The following PLEKHG3 variants were observed in gnomAD, a reference collection of about 807,000 sequenced individuals.
PLEKHG3 encodes pleckstrin homology domain-containing family G member 3.
Under a neutral mutation model 94.9 loss-of-function variants are expected in PLEKHG3, and 62 were observed. That is an observed-to-expected ratio of 0.65 (90% CI 0.53 to 0.81). PLEKHG3 has a LOEUF of 0.81. Ranked by LOEUF, PLEKHG3 falls within the 30% of genes least tolerant of loss-of-function variation. The pLI is 0.00. For missense variants in PLEKHG3, 1,461 were observed against 1,619.3 expected (o/e 0.90, Z 1.68); for synonymous variants, 614 against 654.0 (o/e 0.94, Z 0.93).
At position 64,716,481 on chromosome 14, in the gene PLEKHG3, A is replaced by AC. The variant is rs1566694009; in HGVS notation, c.-39-11112_-39-11111insC. On this transcript the variant is annotated intron_variant, in intron 1 of 16. Coordinates refer to ENST00000247226, the MANE Select transcript of PLEKHG3 (RefSeq NM_001308147.2). This position sits in a 1 kb window ranked among gnomAD's most constrained non-coding sequence, Gnocchi z 5.0. ...ACACACACACAACACACACACACAC[A>AC]ACACACACACACACAACACACACAC... is the stretch of plus-strand genomic sequence containing the variant. 1.6e-3 allele frequency among the ~76,000 whole-genome samples: 188 copies of AC among 116,296 alleles called. No homozygotes were observed. Among genetic ancestry groups the AC allele is most frequent in the Non-Finnish European group, 2.4e-3 (138 of 56,356 alleles). The allele number at this position is 116,296 out of a possible 152,430, so 76.3% of individuals were successfully genotyped here. A position where few individuals can be genotyped will look rare whatever the true frequency, so the allele number is the denominator to read the frequency against.
At chr14:64,740,331 TC>T (rs1407038688) in intron 15 of PLEKHG3, among the ~76,000 whole-genome samples, 1 of 152,244 alleles carries the variant, frequency 6.6e-6, no homozygotes, top group African/African-American at 2.4e-5. Flanking sequence ...GCCGCGTATG[TC>T]ATCAGTTCTG....
chr14:64,737,297 C>T (rs1427934270), intron 13 of PLEKHG3, 59 bp from the exon 14 acceptor site: 1 of 1,359,220 alleles, frequency 7.4e-7, no homozygotes, highest in African/African-American at 1.4e-5. Context: ...CTGATCTCTT[C>T]CCCTCCCCTC....
chr14:64,742,187 G>T lies in PLEKHG3; in HGVS notation c.2670G>T (p.Glu890Asp). Residue 890 changes from glutamate (E) to aspartate (D), a missense_variant, in exon 16 of 17, where the codon GAG (glutamate) becomes GAT (aspartate). Physicochemically the swap from Glu to Asp is conservative, Grantham distance 45 (BLOSUM62 2). This residue lies in a region of PLEKHG3 where 1,201 missense variants were observed against 1,295.5 expected (regional missense o/e 0.93). Coordinates refer to ENST00000247226, the MANE Select transcript of PLEKHG3 (RefSeq NM_001308147.2). Reference protein sequence around the residue: ...LARELKELVKELSSSTQGELV... With the variant: ...LARELKELVKDLSSSTQGELV... ...GGGAGCTGAAAGAGCTGGTGAAGGA[G>T]CTGAGCAGCAGTACCCAGGGGGAGC... 6.2e-7 allele frequency: 1 copy of T among 1,612,922 alleles called. No homozygotes were observed. Among genetic ancestry groups the T allele is most frequent in the Non-Finnish European group, 8.5e-7 (1 of 1,180,018 alleles).
Position 64,736,841 on chromosome 14 carries a change from T to C in PLEKHG3, c.1346-12T>C, listed in dbSNP as rs1016857077. 5.6e-6 allele frequency: 9 copies of C among 1,610,440 alleles called. No individual in the cohort carries two copies. The African/African-American group carries it at 1.1e-4, about 19-fold the overall frequency. On this transcript the variant is annotated splice_polypyrimidine_tract_variant and intron_variant, in intron 12 of 16. Coordinates refer to ENST00000247226, the MANE Select transcript of PLEKHG3 (RefSeq NM_001308147.2). ...TGGCCCGCGCTGACTCTGCTCATGC[T>C]TTCCTCCTCAGAGCCAACCAAACAC...
Position 64,732,860 on chromosome 14 carries a change from A to C in PLEKHG3, c.1304A>C (p.Asp435Ala). The C allele has an allele frequency of 6.2e-7, 1 of 1,611,150 alleles. No homozygotes were observed. The change falls in exon 12 of 17, where the codon GAT becomes GCT. Residue 435 changes from aspartate to alanine, a missense_variant. Physicochemically the swap from Asp to Ala is moderately radical, Grantham distance 126 (BLOSUM62 -2). This residue lies in a region of PLEKHG3 where 1,201 missense variants were observed against 1,295.5 expected (regional missense o/e 0.93). Coordinates refer to ENST00000247226, the MANE Select transcript of PLEKHG3 (RefSeq NM_001308147.2). The surrounding 1 kb of genome is among the most constrained non-coding windows in gnomAD (Gnocchi z 4.9). The part of the protein sequence containing the change: ...ERLKKAWSSQ[D>A]EVSTNVRQGR... ...CTGAAGAAGGCTTGGTCCTCCCAGGATGAGGTGTCCACCAATGTGCGCCAG... is the reference window on the plus strand; with the variant it reads ...CTGAAGAAGGCTTGGTCCTCCCAGGCTGAGGTGTCCACCAATGTGCGCCAG...
Position 64,742,957 on chromosome 14 carries a change from CAGGCAGCTTG to C in PLEKHG3, c.2939-24_2939-15del. 1 of 1,612,562 alleles carries C rather than the reference CAGGCAGCTTG, an allele frequency of 6.2e-7. No individual in the cohort carries two copies. The highest frequency in any genetic ancestry group is 8.5e-7 in the Non-Finnish European group (1 of 1,179,356). Reference sequence around the variant, plus strand: ...AGCTCTGCCCTCCCGCCCCATGCTTCAGGCAGCTTGCTCTCTCCTCATAGGTAAGAGGAAG... The same window carrying C: ...AGCTCTGCCCTCCCGCCCCATGCTTCCTCTCTCCTCATAGGTAAGAGGAAG... On this transcript the variant is annotated splice_polypyrimidine_tract_variant and intron_variant, in intron 16 of 16. Transcript: ENST00000247226.
At chr14:64,714,780 C>A (rs1021889655) in intron 1 of PLEKHG3, among the ~76,000 whole-genome samples, 1 of 152,212 alleles carries the variant, frequency 6.6e-6, no homozygotes, top group East Asian at 1.9e-4. Flanking sequence ...ACTGGGGATG[C>A]CTTTTTCTCC....
chr14:64,742,147 C>T lies in PLEKHG3; in HGVS notation c.2630C>T (p.Pro877Leu), dbSNP rs201083535. Residue 877 changes from proline (P) to leucine (L), a missense_variant, in exon 16 of 17, where the codon CCG becomes CTG. By Grantham distance (98) the Pro-to-Leu change is moderately conservative. This residue lies in a region of PLEKHG3 where 1,201 missense variants were observed against 1,295.5 expected (regional missense o/e 0.93). Transcript: ENST00000247226. ...ESSSPTEGRSPAHLARELKEL... is the reference protein window; with the variant it reads ...ESSSPTEGRSLAHLARELKEL... ...TCCTCTCCCACTGAGGGGCGCAGCC[C>T]GGCCCACCTGGCCCGGGAGCTGAAA... The T allele has an allele frequency of 6.0e-5, 97 of 1,611,634 alleles. No individual in the cohort carries two copies. The highest frequency in any genetic ancestry group is 5.5e-4 in the African/African-American group (41 of 74,936).
At chr14:64,714,743 C>T (rs933466931) in intron 1 of PLEKHG3, among the ~76,000 whole-genome samples, 9 of 152,200 alleles carry the variant, frequency 5.9e-5, no homozygotes, top group African/African-American at 2.2e-4. Context: ...TTGGCCTTCC[C>T]TTCCCAAACT....
intron 1 of PLEKHG3, among the ~76,000 whole-genome samples, chr14:64,706,036 C>T (rs1482805061): frequency 2.0e-5 from 3 of 152,170 alleles, no homozygotes; most frequent in Non-Finnish European, 4.4e-5. Context: ...GGAAGAGGTA[C>T]CCAGAGGCCA....
chr14:64,709,352 C>T (rs2081030394), intron 1 of PLEKHG3, among the ~76,000 whole-genome samples: 1 of 152,174 alleles, frequency 6.6e-6, no homozygotes, highest in Non-Finnish European at 1.5e-5. Context: ...TCTGGGAATG[C>T]AAGCACTAGG....
chr14:64,735,928 C>T (rs924550713), intron 12 of PLEKHG3, among the ~76,000 whole-genome samples: 3 of 152,242 alleles, frequency 2.0e-5, no homozygotes, highest in Non-Finnish European at 2.9e-5. Context: ...TTCTACTTTT[C>T]ACTTTAAAAA....
chr14:64,749,921 C>G lies in PLEKHG3; in HGVS notation c.*6218C>G, dbSNP rs550309355. The G allele has an allele frequency of 6.4e-5, 103 of 1,609,888 alleles. No homozygotes were observed. In the African/African-American group the frequency reaches 1.1e-3, roughly 17 times the overall value. ...TGGTCCCCTACAGAGGGCCTCTGCC[C>G]TGCCACTAATGCCAAATCAAGCCAT... On this transcript the variant is annotated 3_prime_UTR_variant, in exon 17 of 17. Transcript: ENST00000247226. This position sits in a 1 kb window ranked among gnomAD's most constrained non-coding sequence, Gnocchi z 4.7.
At position 64,732,334 on chromosome 14, in the gene PLEKHG3, T is replaced by G; in HGVS notation, c.1213-93T>G. 7.7e-7 allele frequency: 1 copy of G among 1,290,550 alleles called. No individual in the cohort carries two copies. Among genetic ancestry groups the G allele is most frequent in the Non-Finnish European group, 1.1e-6 (1 of 886,218 alleles). The allele number at this position is 1,290,550 out of a possible 1,614,324, so 79.9% of individuals were successfully genotyped here. Reference sequence around the variant, plus strand: ...TGCCCCGGGCCTTGGTGCAGCACTGTGGGGTGTCCTCGTACAGCAACAGTG... The same window carrying G: ...TGCCCCGGGCCTTGGTGCAGCACTGGGGGGTGTCCTCGTACAGCAACAGTG... On this transcript the variant is annotated intron_variant, in intron 10 of 16. Coordinates refer to ENST00000247226, the MANE Select transcript of PLEKHG3 (RefSeq NM_001308147.2). This position sits in a 1 kb window ranked among gnomAD's most constrained non-coding sequence, Gnocchi z 4.9.
In PLEKHG3 at chr14:64,747,537, G is replaced by C. The variant is rs1292569401; in HGVS notation, c.*3834G>C. ...ATCGGATGACGTCTTCCTTCCTGTG[G>C]CTCCTGCCTGCTGCAGTTGGTGTCA... is the stretch of plus-strand genomic sequence containing the variant. On this transcript the variant is annotated 3_prime_UTR_variant, in exon 17 of 17. Transcript: ENST00000247226. 6.6e-6 allele frequency: 1 copy of C among 152,506 alleles called. No homozygotes were observed. Among genetic ancestry groups the C allele is most frequent in the East Asian group, 1.9e-4 (1 of 5,192 alleles). 9.4% of individuals were successfully genotyped at this position (152,506 alleles called of 1,614,324 possible).
intron 1 of PLEKHG3, among the ~76,000 whole-genome samples, chr14:64,711,151 G>C (rs1361513045): frequency 6.6e-6 from 1 of 152,138 alleles, no homozygotes; most frequent in African/African-American, 2.4e-5. Context: ...ACTTGCTCAG[G>C]ATCGCTCAGC....
Position 64,718,468 on chromosome 14 carries a change from AGAGTG to A in PLEKHG3, c.-39-9120_-39-9116del, listed in dbSNP as rs2081207378. 6.6e-6 allele frequency among the ~76,000 whole-genome samples: 1 copy of A among 152,174 alleles called. No homozygotes were observed. The highest frequency in any genetic ancestry group is 6.5e-5 in the Admixed American group (1 of 15,282). On this transcript the variant is annotated intron_variant, in intron 1 of 16. Coordinates refer to ENST00000247226, the MANE Select transcript of PLEKHG3 (RefSeq NM_001308147.2). This position sits in a 1 kb window ranked among gnomAD's most constrained non-coding sequence, Gnocchi z 5.0. ...TTGCCTTATAGCATATAAGCTCTGA[AGAGTG>A]GAGTCTGTGTGTGACTTGTCCTAAC...
rs762672975 is a variant in PLEKHG3 at position 64,738,190 on chromosome 14, G to A, written c.1405-552G>A. 7 of 1,290,008 alleles carry A rather than the reference G, an allele frequency of 5.4e-6. No homozygotes were observed. The highest frequency in any genetic ancestry group is 1.1e-4 in the East Asian group (2 of 18,200). 79.9% of individuals were successfully genotyped at this position (1,290,008 alleles called of 1,614,324 possible). On this transcript the variant is annotated intron_variant, in intron 14 of 16. Transcript: ENST00000247226. This position sits in a 1 kb window ranked among gnomAD's most constrained non-coding sequence, Gnocchi z 4.8. ...GCCGCCCTCCACTGCTGGCACTATC[G>A]GGCCAACGCTTTACTTTTCTCCCGG...
Position 64,731,047 on chromosome 14 carries a change from A to G in PLEKHG3, c.727A>G (p.Lys243Glu), listed in dbSNP as rs973036552. The change falls in exon 7 of 17, where the codon AAG becomes GAG. Residue 243 changes from lysine (K) to glutamate (E), a missense_variant. Physicochemically the swap from Lys to Glu is moderately conservative, Grantham distance 56. Coordinates refer to ENST00000247226, the MANE Select transcript of PLEKHG3 (RefSeq NM_001308147.2). The surrounding 1 kb of genome is among the most constrained non-coding windows in gnomAD (Gnocchi z 6.1). ...KYHLLLQEIAKHFDEEEDGFE... is the reference protein window; with the variant it reads ...KYHLLLQEIAEHFDEEEDGFE... Reference sequence around the variant, plus strand: ...TCTATCTTCTGCGCAGGAAATTGCCAAGCATTTTGATGAAGAAGAGGATGG... The same window carrying G: ...TCTATCTTCTGCGCAGGAAATTGCCGAGCATTTTGATGAAGAAGAGGATGG... 2.1e-5 allele frequency: 34 copies of G among 1,613,956 alleles called. No homozygotes were observed. The highest frequency in any genetic ancestry group is 2.8e-5 in the Non-Finnish European group (33 of 1,180,014).
Sources: gnomAD v4.1 joint callset for allele counts (sites outside exome capture counted in the v4.1 genomes callset) on GRCh38, gnomAD v4.1.1 for gene constraint, gnomAD v4.1.1 regional missense constraint, Gnocchi (gnomAD v3.1) non-coding constraint, MANE v1.5 for transcripts, NCBI Gene and HGNC (gene_info 2026-07-23, HGNC 2026-07-21) for gene names.